Variants in AGMO observed in about 807,000 individuals in gnomAD.
AGMO encodes glyceryl-ether monooxygenase.
AGMO carries 75 observed loss-of-function variants against 60.2 expected under a neutral mutation model. The observed-to-expected ratio is 1.25, with a 90% CI of 1.03 to 1.51. AGMO has a LOEUF of 1.51. Ranked by LOEUF, AGMO falls within the 40% of genes most tolerant of loss-of-function variation. The pLI is 0.00. For synonymous variants in AGMO, 261 were observed against 177.1 expected (o/e 1.47, Z -3.76); for missense variants, 763 against 525.5 (o/e 1.45, Z -4.42).
intron 12 of AGMO, among the ~76,000 whole-genome samples, chr7:15,249,613 G>C (rs1357670188): frequency 6.6e-6 from 1 of 152,028 alleles, no homozygotes; most frequent in Admixed American, 6.6e-5. Context: ...ATGGAGTATG[G>C]AATAGACTTT....
At chr7:15,160,657 C>A in the AGMO span, among the ~76,000 whole-genome samples, 3 of 152,042 alleles carry the variant, frequency 2.0e-5, no homozygotes, top group Non-Finnish European at 4.4e-5. Context: ...TAATGCAAAT[C>A]TATTTATAAT....
intron 5 of AGMO, among the ~76,000 whole-genome samples, chr7:15,410,064 C>T (rs1247625294): frequency 2.0e-5 from 3 of 151,698 alleles, no homozygotes; most frequent in African/African-American, 7.3e-5. Flanking sequence ...CAGTCCAATT[C>T]TCAGTAACTA....
chr7:15,325,951 G>C (rs578157332), intron 12 of AGMO, among the ~76,000 whole-genome samples: 1 of 152,030 alleles, frequency 6.6e-6, no homozygotes, highest in South Asian at 2.1e-4. Context: ...GAGAGCAAGA[G>C]GAAGAAACAA....
chr7:15,143,454 A>G, the AGMO span, among the ~76,000 whole-genome samples: 1 of 152,190 alleles, frequency 6.6e-6, no homozygotes, highest in African/African-American at 2.4e-5. Flanking sequence ...TAAACATGGC[A>G]TGACACACTG....
chr7:15,493,426 T>G (rs1783129100), intron 3 of AGMO, among the ~76,000 whole-genome samples: 1 of 129,952 alleles, frequency 7.7e-6, no homozygotes, highest in Non-Finnish European at 1.6e-5. Flanking sequence ...CAGGCTGGAG[T>G]GCAGTGGCGC....
chr7:15,444,742 A>G (rs925102201), intron 3 of AGMO, among the ~76,000 whole-genome samples: 3 of 152,206 alleles, frequency 2.0e-5, no homozygotes, highest in Non-Finnish European at 2.9e-5. Context: ...CCTATCACCT[A>G]CAATGACTTC....
At chr7:15,192,146 G>A in the AGMO span, among the ~76,000 whole-genome samples, 1 of 151,960 alleles carries the variant, frequency 6.6e-6, no homozygotes, top group African/African-American at 2.4e-5. Context: ...GCAGAAGTGT[G>A]GGATTCCCGA....
intron 5 of AGMO, among the ~76,000 whole-genome samples, chr7:15,395,432 A>G (rs768292563): frequency 2.2e-4 from 33 of 152,030 alleles, no homozygotes; most frequent in Non-Finnish European, 3.7e-4. Flanking sequence ...AAGACATTTT[A>G]TAGGCAAAAA....
chr7:15,196,504 T>C (rs771267455), downstream of AGMO, among the ~76,000 whole-genome samples: 2 of 152,228 alleles, frequency 1.3e-5, no homozygotes, highest in Non-Finnish European at 2.9e-5. Flanking sequence ...GCACAACTTT[T>C]CTGCTTATTT....
intron 3 of AGMO, among the ~76,000 whole-genome samples, chr7:15,533,827 A>G (rs1025819469): frequency 3.9e-5 from 6 of 152,138 alleles, no homozygotes; most frequent in African/African-American, 1.2e-4. Context: ...CAGTATAAGC[A>G]CTTCACATAG....
chr7:15,194,799 T>C, the AGMO span, among the ~76,000 whole-genome samples: 1 of 152,180 alleles, frequency 6.6e-6, no homozygotes, highest in Non-Finnish European at 1.5e-5. Flanking sequence ...TTTCCTAGTG[T>C]GCCGTGTGGC....
intron 3 of AGMO, among the ~76,000 whole-genome samples, chr7:15,441,572 A>G (rs1168998303): frequency 2.0e-5 from 3 of 152,178 alleles, no homozygotes; most frequent in Non-Finnish European, 2.9e-5. Context: ...GAGTAGCACA[A>G]TTAGGAGGCA....
the AGMO span, among the ~76,000 whole-genome samples, chr7:15,160,004 C>T: frequency 6.6e-6 from 1 of 152,158 alleles, no homozygotes; most frequent in African/African-American, 2.4e-5. Flanking sequence ...TTTATTTATC[C>T]AGCCACCACC....
At chr7:15,396,313 C>G (rs554988835) in intron 5 of AGMO, 147 of 152,394 alleles carry the variant, frequency 9.6e-4, no homozygotes, top group African/African-American at 3.5e-3. Context: ...TTTCTTCCTC[C>G]AGGTGTGTTC....
intron 3 of AGMO, among the ~76,000 whole-genome samples, chr7:15,462,085 A>G: frequency 6.6e-6 from 1 of 152,144 alleles, no homozygotes; most frequent in East Asian, 1.9e-4. Context: ...CTAAAATTAA[A>G]ACAAGACACA....
At chr7:15,390,573 T>A in intron 8 of AGMO, 98 bp downstream of exon 8, 1 of 925,534 alleles carries the variant, frequency 1.1e-6, no homozygotes, top group African/African-American at 1.7e-5. Context: ...TTCAGGTTAG[T>A]GTAATATACT....
chr7:15,323,375 G>T (rs1456528346), intron 12 of AGMO, among the ~76,000 whole-genome samples: 1 of 151,874 alleles, frequency 6.6e-6, no homozygotes, highest in Non-Finnish European at 1.5e-5. Context: ...GTCAGACAAA[G>T]AAAAAAATAA....
chr7:15,487,161 G>T (rs1284499930), intron 3 of AGMO, among the ~76,000 whole-genome samples: 2 of 152,176 alleles, frequency 1.3e-5, no homozygotes, highest in East Asian at 3.8e-4. Flanking sequence ...TAAATAAAAA[G>T]TTATATTTTA....
chr7:15,530,509 CTATATA>C (rs10608290), intron 3 of AGMO, among the ~76,000 whole-genome samples: 1 of 16,760 alleles, frequency 6.0e-5, no homozygotes, highest in South Asian at 1.4e-3. Context: ...ATACGTATTT[CTATATA>C]TATATTCTAT....
Sources: gnomAD v4.1 joint callset for allele counts (sites outside exome capture counted in the v4.1 genomes callset) on GRCh38, gnomAD v4.1.1 for gene constraint, MANE v1.5 for transcripts, NCBI Gene and HGNC (gene_info 2026-07-23, HGNC 2026-07-21) for gene names.